The following SEMA3D variants were observed in gnomAD, a reference collection of about 807,000 sequenced individuals.
SEMA3D encodes semaphorin-3D.
In SEMA3D, 84 loss-of-function variants were observed where a neutral mutation model predicts 100.1. That is an observed-to-expected ratio of 0.84 (90% confidence interval 0.70 to 1.01). The LOEUF (loss-of-function observed/expected upper bound fraction) is 1.01. Ranked by LOEUF, SEMA3D falls within the 50% of genes least tolerant of loss-of-function variation. SEMA3D has a pLI of 0.00. For synonymous variants in SEMA3D, 312 were observed against 320.7 expected, an observed-to-expected ratio of 0.97 and a Z score of 0.29; for missense variants, 875 against 934.1, an observed-to-expected ratio of 0.94 and a Z score of 0.82.
At chr7:85,155,022 A>G (rs1041719201) in intron 1 of SEMA3D, among the ~76,000 whole-genome samples, 1 of 152,148 alleles carries the variant, frequency 6.6e-6, no homozygotes. Context: ...TTTAAAAATA[A>G]TGTAATCATC....
intron 4 of SEMA3D, among the ~76,000 whole-genome samples, chr7:85,094,242 A>G (rs979886567): frequency 3.3e-5 from 5 of 152,006 alleles, no homozygotes; most frequent in African/African-American, 1.2e-4. Context: ...TTAGAAGTCA[A>G]TACTAAGAAG....
chr7:85,112,347 T>C (rs1221376354), intron 3 of SEMA3D, among the ~76,000 whole-genome samples: 1 of 152,118 alleles, frequency 6.6e-6, no homozygotes, highest in African/African-American at 2.4e-5. Flanking sequence ...GATAGGCAAA[T>C]AAAAATTCAA....
At chr7:85,240,679 A>G in the SEMA3D span, among the ~76,000 whole-genome samples, 77 of 152,284 alleles carry the variant, frequency 5.1e-4, no homozygotes, top group African/African-American at 1.8e-3. Context: ...AAAGATATAG[A>G]CCAATTAATA....
intron 1 of SEMA3D, among the ~76,000 whole-genome samples, chr7:85,178,080 C>T (rs182950430): frequency 1.3e-5 from 2 of 152,284 alleles, no homozygotes; most frequent in Non-Finnish European, 1.5e-5. Context: ...TGAAGAAGGA[C>T]AGGTTTGCTT....
chr7:85,147,092 C>CTTTTTTT lies in SEMA3D; in HGVS notation c.-41+6509_-41+6515dup, dbSNP rs752922884. Among the ~76,000 whole-genome samples the CTTTTTTT allele has an allele frequency of 9.5e-3, 455 of 48,146 alleles. 46 individuals carry two copies. Among genetic ancestry groups the CTTTTTTT allele is most frequent in the Middle Eastern group, 0.023 (1 of 44 alleles). The allele number at this position is 48,146 out of a possible 152,430, so 31.6% of individuals were successfully genotyped here. On this transcript the variant is annotated intron_variant, in intron 2 of 18. Transcript: ENST00000284136. ...TCTTTCTTTCTTTTCTTTTTCTTTT[C>CTTTTTTT]TTTTTTTTTTTTTTTTTTTTTTTTT...
At chr7:85,129,859 A>C (rs1789673649) in intron 2 of SEMA3D, among the ~76,000 whole-genome samples, 3 of 152,134 alleles carry the variant, frequency 2.0e-5, no homozygotes, top group Admixed American at 2.0e-4. Context: ...AAAAAACTGC[A>C]CGTAGCAGGA....
intron 2 of SEMA3D, among the ~76,000 whole-genome samples, chr7:85,123,142 T>A (rs1015567446): frequency 2.0e-5 from 3 of 152,138 alleles, no homozygotes; most frequent in Non-Finnish European, 2.9e-5. Flanking sequence ...ATGGATCAAA[T>A]CAACACATCA....
chr7:85,027,968 C>G, intron 12 of SEMA3D: 1 of 578,790 alleles, frequency 1.7e-6, no homozygotes, highest in Non-Finnish European at 3.3e-6. Context: ...TTACGGATAC[C>G]AAACAATTGA....
chr7:85,050,639 C>G, intron 9 of SEMA3D: 1 of 427,886 alleles, frequency 2.3e-6, no homozygotes, highest in East Asian at 3.5e-5. Context: ...ATTGATATCT[C>G]TTGACCAAAA....
At chr7:85,140,109 TATC>T (rs1388587507) in intron 2 of SEMA3D, 2 of 364,410 alleles carry the variant, frequency 5.5e-6, no homozygotes, top group Non-Finnish European at 7.6e-6. Flanking sequence ...AGACTACTAT[TATC>T]ATATAATTTT....
At chr7:85,189,513 G>A (rs144535657), upstream of SEMA3D, among the ~76,000 whole-genome samples, 796 of 152,240 alleles carry the variant, frequency 5.2e-3, 10 homozygotes, top group African/African-American at 0.018. Flanking sequence ...TAAAATACAA[G>A]GTGTATTGTG....
the SEMA3D span, among the ~76,000 whole-genome samples, chr7:85,193,648 G>A: frequency 6.6e-6 from 1 of 152,102 alleles, no homozygotes; most frequent in South Asian, 2.1e-4. Flanking sequence ...CCACATAATG[G>A]AGGGGGAAAC....
chr7:85,222,623 G>A, the SEMA3D span, among the ~76,000 whole-genome samples: 2 of 151,998 alleles, frequency 1.3e-5, no homozygotes, highest in Non-Finnish European at 2.9e-5. Flanking sequence ...AACCTCAACT[G>A]GTCAAGGCAT....
chr7:85,131,413 C>T (rs1789721845), intron 2 of SEMA3D, among the ~76,000 whole-genome samples: 1 of 152,028 alleles, frequency 6.6e-6, no homozygotes, highest in Non-Finnish European at 1.5e-5. Flanking sequence ...TCTAATGCTA[C>T]TCATTTAAAT....
chr7:85,036,893 C>T lies in SEMA3D; in HGVS notation c.1187G>A (p.Gly396Asp), dbSNP rs771410878. The T allele has an allele frequency of 6.2e-7, 1 of 1,612,200 alleles. No homozygotes were observed. Among genetic ancestry groups the T allele is most frequent in the Non-Finnish European group, 8.5e-7 (1 of 1,178,696 alleles). Reference protein sequence around the residue: ...YDGRIPYPRPGTCPSKTYDPL... With the variant: ...YDGRIPYPRPDTCPSKTYDPL... ...ATTATTAAGTTGGATACATACTGTACCAGGCCGTGGATAAGGAATTCTCCC... is the reference window on the plus strand; with the variant it reads ...ATTATTAAGTTGGATACATACTGTATCAGGCCGTGGATAAGGAATTCTCCC... The change falls in exon 12 of 19, where the codon GGT becomes GAT. Residue 396 changes from glycine to aspartate, a missense_variant. Transcript: ENST00000284136.
chr7:85,125,573 G>T (rs2116415820), intron 2 of SEMA3D, among the ~76,000 whole-genome samples: 2 of 152,080 alleles, frequency 1.3e-5, no homozygotes. Context: ...ACAAAATAAA[G>T]TAAAAATGGT....
the SEMA3D span, among the ~76,000 whole-genome samples, chr7:85,195,236 T>C: frequency 2.5e-4 from 38 of 152,236 alleles, no homozygotes; most frequent in African/African-American, 9.1e-4. Flanking sequence ...AAACACTAGG[T>C]TCCTTTGGTT....
At position 85,105,187 on chromosome 7, in the gene SEMA3D, C is replaced by A. The variant is rs138699741; in HGVS notation, c.152-7222G>T. 4.5e-3 allele frequency among the ~76,000 whole-genome samples: 682 copies of A among 152,098 alleles called. 4 individuals carry two copies. Among genetic ancestry groups the A allele is most frequent in the Non-Finnish European group, 7.2e-3 (491 of 67,976 alleles). On this transcript the variant is annotated intron_variant, in intron 3 of 18. Coordinates refer to ENST00000284136, the MANE Select transcript of SEMA3D (RefSeq NM_001384900.1). ...AGCATCCTTTCTATTTCTGCCTTCCCCCTAAATTCAGCATTTCTCCTCTGA... is the reference window on the plus strand; with the variant it reads ...AGCATCCTTTCTATTTCTGCCTTCCACCTAAATTCAGCATTTCTCCTCTGA...
In SEMA3D at chr7:85,146,451, G is replaced by A. The variant is rs559660849; in HGVS notation, c.-41+7157C>T. Among the ~76,000 whole-genome samples the A allele has an allele frequency of 2.0e-5, 3 of 152,018 alleles. No individual in the cohort carries two copies. In the South Asian group the frequency reaches 6.2e-4, roughly 32 times the overall value. On this transcript the variant is annotated intron_variant, in intron 2 of 18. Transcript: ENST00000284136. ...GACCTGTAACCCCAGCTACTCGGGA[G>A]GCTGAGGAAGGGGAATCCCTTGAAC...
Sources: allele counts gnomAD v4.1 joint callset (sites outside exome capture counted in the v4.1 genomes callset), GRCh38; gene constraint gnomAD v4.1.1; transcripts MANE v1.5; gene names NCBI Gene and HGNC (gene_info 2026-07-23, HGNC 2026-07-21).